Variants in PTPRN2 observed in about 807,000 individuals in gnomAD.
The protein encoded by PTPRN2 is receptor-type tyrosine-protein phosphatase N2.
A neutral mutation model predicts 118.8 loss-of-function variants in PTPRN2; 74 were observed. The ratio of observed to expected loss-of-function variants is 0.62; its 90% CI spans 0.52 to 0.76. The LOEUF (loss-of-function observed/expected upper bound fraction) is 0.76. Among genes scored for constraint, PTPRN2 ranks in the 30% least tolerant of loss-of-function variants. The pLI is 0.00. For missense variants in PTPRN2, 1,481 were observed against 1,394.4 expected (o/e 1.06, Z -0.99); for synonymous variants, 641 against 608.0 (o/e 1.05, Z -0.80).
intron 7 of PTPRN2, among the ~76,000 whole-genome samples, chr7:158,137,956 A>C (rs991923225): frequency 1.3e-5 from 2 of 151,920 alleles, no homozygotes; most frequent in Non-Finnish European, 2.9e-5. Context: ...ATCCCCTCTC[A>C]CTCTGCTATT....
Position 157,699,389 on chromosome 7 carries a change from C to T in PTPRN2, c.1789-16452G>A, listed in dbSNP as rs1288069625. ...CAAATATGTCTATACATATTTAGAT[C>T]TAATGTGAACAAAAATTCAGGAAGC... On this transcript the variant is annotated intron_variant, in intron 12 of 22. Coordinates refer to ENST00000389418, the MANE Select transcript of PTPRN2 (RefSeq NM_002847.5). 3.9e-5 allele frequency among the ~76,000 whole-genome samples: 6 copies of T among 152,150 alleles called. No homozygotes were observed. In the South Asian group the frequency reaches 1.2e-3, roughly 32 times the overall value.
chr7:157,802,013 AGCTCCTTCGTCCACC>A (rs1472157628), intron 12 of PTPRN2, among the ~76,000 whole-genome samples: 2 of 152,034 alleles, frequency 1.3e-5, no homozygotes, highest in African/African-American at 4.8e-5. Flanking sequence ...CTCGGCGTGC[AGCTCCTTCGTCCACC>A]GTGAAACCCG....
At chr7:158,545,360 G>T (rs1826216435) in intron 1 of PTPRN2, among the ~76,000 whole-genome samples, 1 of 152,196 alleles carries the variant, frequency 6.6e-6, no homozygotes, top group Admixed American at 6.5e-5. Flanking sequence ...CGCAGTGGGA[G>T]GCCACATGCG....
At chr7:158,233,664 G>A (rs776442234) in intron 3 of PTPRN2, among the ~76,000 whole-genome samples, 7 of 151,626 alleles carry the variant, frequency 4.6e-5, no homozygotes, top group Non-Finnish European at 1.0e-4. Flanking sequence ...AATACCCAAA[G>A]CAATCCTGAG....
intron 2 of PTPRN2, among the ~76,000 whole-genome samples, chr7:158,337,138 G>C (rs1485196154): frequency 1.2e-3 from 162 of 135,162 alleles, no homozygotes; most frequent in Middle Eastern, 0.01. Flanking sequence ...GTCACTTACA[G>C]CCATACTCTC....
At chr7:158,379,720 C>A (rs1056103314) in intron 2 of PTPRN2, among the ~76,000 whole-genome samples, 2 of 152,230 alleles carry the variant, frequency 1.3e-5, no homozygotes, top group Admixed American at 1.3e-4. Context: ...AGTAGACCCA[C>A]AAGAGGTTCA....
chr7:158,132,059 AC>A (rs1408081984), intron 9 of PTPRN2, among the ~76,000 whole-genome samples: 10 of 152,004 alleles, frequency 6.6e-5, no homozygotes, highest in Non-Finnish European at 1.2e-4. Flanking sequence ...ATATGCACAA[AC>A]CGATACACAT....
intron 14 of PTPRN2, among the ~76,000 whole-genome samples, chr7:157,642,021 G>A (rs909540321): frequency 4.6e-5 from 7 of 152,140 alleles, no homozygotes; most frequent in Non-Finnish European, 1.0e-4. Context: ...CAACACAGCT[G>A]TCTTCACCGA....
At chr7:157,644,872 T>A (rs1804953058) in intron 14 of PTPRN2, among the ~76,000 whole-genome samples, 1 of 151,204 alleles carries the variant, frequency 6.6e-6, no homozygotes, top group Admixed American at 6.6e-5. Context: ...TGAGCTACAA[T>A]CCTATGCACG....
intron 2 of PTPRN2, among the ~76,000 whole-genome samples, chr7:158,330,965 ACACT>A (rs1563150785): frequency 2.2e-5 from 1 of 45,466 alleles, no homozygotes; most frequent in Non-Finnish European, 4.0e-5. Flanking sequence ...CACGCAGACG[ACACT>A]CACACCCACA....
At chr7:158,158,312 T>C (rs1822021247) in intron 6 of PTPRN2, among the ~76,000 whole-genome samples, 1 of 152,238 alleles carries the variant, frequency 6.6e-6, no homozygotes, top group South Asian at 2.1e-4. Context: ...CTCCTGAGAC[T>C]GGGCTGCGGG....
chr7:158,204,486 G>A (rs1826964012), intron 4 of PTPRN2, among the ~76,000 whole-genome samples: 1 of 152,072 alleles, frequency 6.6e-6, no homozygotes, highest in African/African-American at 2.4e-5. Context: ...TGTCTGTCAG[G>A]GAAAAATGAA....
intron 10 of PTPRN2, among the ~76,000 whole-genome samples, chr7:158,096,067 A>G (rs1245207253): frequency 6.6e-6 from 1 of 152,252 alleles, no homozygotes; most frequent in Non-Finnish European, 1.5e-5. Flanking sequence ...ATCCATTAAC[A>G]GTAGAAATTA....
chr7:158,003,401 G>A lies in PTPRN2; in HGVS notation c.1723+77897C>T, dbSNP rs1373004133. ...TGCACTCCAACCTGGGAGACACAGC[G>A]AGACTCCGTCTCAAAAAAAAAAAAA... On this transcript the variant is annotated intron_variant, in intron 11 of 22. Coordinates refer to ENST00000389418, the MANE Select transcript of PTPRN2 (RefSeq NM_002847.5). This position sits in a 1 kb window ranked among gnomAD's most constrained non-coding sequence, Gnocchi z 5.0. Among the ~76,000 whole-genome samples the A allele has an allele frequency of 6.2e-5, 8 of 129,388 alleles. No homozygotes were observed. The East Asian group carries it at 1.1e-3, about 18-fold the overall frequency. 84.9% of individuals were successfully genotyped at this position (129,388 alleles called of 152,430 possible).
chr7:158,179,804 G>A (rs75261540), intron 5 of PTPRN2, among the ~76,000 whole-genome samples: 6,274 of 152,282 alleles, frequency 0.041, 402 homozygotes, highest in African/African-American at 0.14. Context: ...TGCCATGTCA[G>A]TTTACACTTG....
At chr7:157,713,708 C>T (rs956136278) in intron 12 of PTPRN2, among the ~76,000 whole-genome samples, 2 of 152,188 alleles carry the variant, frequency 1.3e-5, no homozygotes, top group East Asian at 1.9e-4. Flanking sequence ...CTTATTCCGG[C>T]GTCTTTCCCA....
At chr7:157,938,549 C>G (rs955871054) in intron 11 of PTPRN2, among the ~76,000 whole-genome samples, 1 of 152,218 alleles carries the variant, frequency 6.6e-6, no homozygotes, top group Non-Finnish European at 1.5e-5. Flanking sequence ...CCTGTCTGCT[C>G]AGGGTCACAC....
Position 158,319,494 on chromosome 7 carries a change from T to TCTCCCTCACACATG in PTPRN2, c.164-2563_164-2562insCATGTGTGAGGGAG, listed in dbSNP as rs1563131507. On this transcript the variant is annotated intron_variant, in intron 2 of 22. Coordinates refer to ENST00000389418, the MANE Select transcript of PTPRN2 (RefSeq NM_002847.5). ...CACACAAGCACAGCCTCCCTCACAC[T>TCTCCCTCACACATG]CACACAGCCTCCCCCCACACACACA... Among the ~76,000 whole-genome samples, 290 of 35,242 alleles carry TCTCCCTCACACATG rather than the reference T, an allele frequency of 8.2e-3. 16 individuals carry two copies. The highest frequency in any genetic ancestry group is 0.02 in the Middle Eastern group (1 of 50). The allele number at this position is 35,242 out of a possible 152,430, so 23.1% of individuals were successfully genotyped here.
chr7:158,549,493 C>T (rs891493644), intron 1 of PTPRN2, among the ~76,000 whole-genome samples: 1 of 152,230 alleles, frequency 6.6e-6, no homozygotes, highest in Non-Finnish European at 1.5e-5. Context: ...AAGGGGCAGC[C>T]GTGAATAGGT....
Sources: gnomAD v4.1 joint callset for allele counts (sites outside exome capture counted in the v4.1 genomes callset) on GRCh38, gnomAD v4.1.1 for gene constraint, Gnocchi (gnomAD v3.1) non-coding constraint, MANE v1.5 for transcripts, NCBI Gene and HGNC (gene_info 2026-07-23, HGNC 2026-07-21) for gene names.